The following TM9SF3 variants were observed in gnomAD, a reference collection of about 807,000 sequenced individuals.
The protein encoded by TM9SF3 is SM-11044-binding protein.
TM9SF3 carries 14 observed loss-of-function variants against 78.6 expected under a neutral mutation model. That is an observed-to-expected ratio of 0.18 (90% CI 0.12 to 0.28). The LOEUF is 0.28. Among genes scored for constraint, TM9SF3 ranks in the 10% least tolerant of loss-of-function variants. The pLI, the probability that TM9SF3 is intolerant of heterozygous loss-of-function variation, is 1.00. For missense variants in TM9SF3, 496 were observed against 721.9 expected (o/e 0.69, Z 3.59); for synonymous variants, 231 against 241.7 (o/e 0.96, Z 0.41).
At chr10:96,573,584 T>A (rs1364415718) in intron 2 of TM9SF3, among the ~76,000 whole-genome samples, 1 of 152,198 alleles carries the variant, frequency 6.6e-6, no homozygotes, top group Non-Finnish European at 1.5e-5. Context: ...AGTGCTTAGC[T>A]TAGTCTGAAA....
intron 14 of TM9SF3, among the ~76,000 whole-genome samples, chr10:96,526,533 T>C (rs928159000): frequency 2.6e-5 from 4 of 152,178 alleles, no homozygotes; most frequent in African/African-American, 9.7e-5. Context: ...ATTCTAGAGA[T>C]TCTATCACAT....
intron 2 of TM9SF3, among the ~76,000 whole-genome samples, chr10:96,567,628 C>T (rs934778273): frequency 6.6e-6 from 1 of 152,212 alleles, no homozygotes; most frequent in Non-Finnish European, 1.5e-5. Context: ...ACTCCCCACA[C>T]TTCTTATACC....
chr10:96,555,447 T>C (rs554842960), intron 5 of TM9SF3, among the ~76,000 whole-genome samples: 5 of 152,344 alleles, frequency 3.3e-5, no homozygotes, highest in East Asian at 3.9e-4. Flanking sequence ...CGGTTCTTCA[T>C]AGATATCCTC....
chr10:96,586,208 G>A (rs990329044), intron 1 of TM9SF3, among the ~76,000 whole-genome samples: 7 of 152,326 alleles, frequency 4.6e-5, no homozygotes, highest in Non-Finnish European at 8.8e-5. Context: ...CCCCACCCCA[G>A]GGTTTTAATC....
chr10:96,575,236 G>T (rs891396018), intron 2 of TM9SF3, among the ~76,000 whole-genome samples: 1 of 151,894 alleles, frequency 6.6e-6, no homozygotes. Flanking sequence ...CACCAAATAC[G>T]GAAAAAGAGA....
rs1365554664 is a variant in TM9SF3, at chr10:96,519,293, T to A, written c.*2970A>T. 1 of 151,958 alleles carries A rather than the reference T, an allele frequency of 6.6e-6. No homozygotes were observed. Among genetic ancestry groups the A allele is most frequent in the African/African-American group, 2.4e-5 (1 of 41,436 alleles). The allele number at this position is 151,958 out of a possible 1,614,324, so 9.4% of individuals were successfully genotyped here. A position where few individuals can be genotyped will look rare whatever the true frequency, so the allele number is the denominator to read the frequency against. On this transcript the variant is annotated 3_prime_UTR_variant, in exon 15 of 15. Coordinates refer to ENST00000371142, the MANE Select transcript of TM9SF3 (RefSeq NM_020123.4). Reference sequence around the variant, plus strand: ...GCAACCAACTTTATAAAGAGGTCCATCCACTCTCAATGGAAAACACCCAAG... The same window carrying A: ...GCAACCAACTTTATAAAGAGGTCCAACCACTCTCAATGGAAAACACCCAAG...
rs1848498806 is a variant in TM9SF3, at chr10:96,576,553, C to T, written c.298+81G>A. On this transcript the variant is annotated intron_variant, in intron 2 of 14. Transcript: ENST00000371142. ...CTCCATACAACAAAGAATTATCCAACACCAGTGTCAATAGTGCCAAAATAT... is the reference window on the plus strand; with the variant it reads ...CTCCATACAACAAAGAATTATCCAATACCAGTGTCAATAGTGCCAAAATAT... 3.1e-6 allele frequency: 4 copies of T among 1,272,688 alleles called. No homozygotes were observed. In the South Asian group the frequency reaches 4.6e-5, roughly 15 times the overall value. The allele number at this position is 1,272,688 out of a possible 1,614,324, so 78.8% of individuals were successfully genotyped here. A position where few individuals can be genotyped will look rare whatever the true frequency, so the allele number is the denominator to read the frequency against.
chr10:96,526,671 G>A (rs1847841642), intron 14 of TM9SF3, among the ~76,000 whole-genome samples: 1 of 152,048 alleles, frequency 6.6e-6, no homozygotes, highest in African/African-American at 2.4e-5. Context: ...CATACATATG[G>A]TACAGCTAGA....
intron 1 of TM9SF3, among the ~76,000 whole-genome samples, chr10:96,581,216 C>A (rs940295400): frequency 2.0e-5 from 3 of 152,214 alleles, no homozygotes; most frequent in Non-Finnish European, 4.4e-5. Context: ...TGGGGGGGTA[C>A]CAAAGTTTTC....
At chr10:96,553,464 T>G (rs893349342) in intron 5 of TM9SF3, among the ~76,000 whole-genome samples, 2 of 152,202 alleles carry the variant, frequency 1.3e-5, no homozygotes, top group African/African-American at 2.4e-5. Flanking sequence ...ATACTTATCT[T>G]GTAAGTGATT....
intron 9 of TM9SF3, among the ~76,000 whole-genome samples, chr10:96,533,949 A>T (rs1329871909): frequency 6.6e-6 from 1 of 152,158 alleles, no homozygotes; most frequent in Non-Finnish European, 1.5e-5. Context: ...TCTAATTAAG[A>T]TCATTTCACT....
intron 8 of TM9SF3, among the ~76,000 whole-genome samples, chr10:96,547,066 T>C (rs1848110026): frequency 6.6e-6 from 1 of 152,222 alleles, no homozygotes; most frequent in South Asian, 2.1e-4. Context: ...TCCATCAATT[T>C]CAGGTAATAG....
intron 1 of TM9SF3, among the ~76,000 whole-genome samples, chr10:96,585,527 A>T (rs1360440619): frequency 6.6e-6 from 1 of 152,232 alleles, no homozygotes; most frequent in African/African-American, 2.4e-5. Flanking sequence ...AGAAATACAT[A>T]CCTACACAGG....
chr10:96,548,893 A>G (rs1245701594), intron 7 of TM9SF3, among the ~76,000 whole-genome samples: 1 of 152,134 alleles, frequency 6.6e-6, no homozygotes, highest in Non-Finnish European at 1.5e-5. Flanking sequence ...TTTGTTCACA[A>G]ATATTCTATG....
intron 1 of TM9SF3, among the ~76,000 whole-genome samples, chr10:96,577,749 A>G (rs1478932832): frequency 6.6e-6 from 1 of 152,212 alleles, no homozygotes; most frequent in Non-Finnish European, 1.5e-5. Flanking sequence ...AACTGTGTTT[A>G]TAACTGAGGA....
At chr10:96,556,254 TGCAACTGG>T (rs1260763613) in intron 5 of TM9SF3, among the ~76,000 whole-genome samples, 80 of 152,100 alleles carry the variant, frequency 5.3e-4, no homozygotes, top group Non-Finnish European at 9.3e-4. Context: ...AAATTTAGAA[TGCAACTGG>T]AGATAAATAA....
intron 1 of TM9SF3, among the ~76,000 whole-genome samples, chr10:96,577,275 A>C (rs1848507147): frequency 6.6e-6 from 1 of 151,630 alleles, no homozygotes; most frequent in Admixed American, 6.6e-5. Flanking sequence ...GCCAGCAAGC[A>C]TAAATAAAAT....
At chr10:96,527,381 T>C (rs1204049052) in intron 13 of TM9SF3, 32 bp downstream of exon 13, 3 of 1,597,106 alleles carry the variant, frequency 1.9e-6, no homozygotes, top group Non-Finnish European at 2.6e-6. Context: ...TTTAGTTTCC[T>C]AAATAAAAGG....
chr10:96,582,107 CA>C (rs369619360), intron 1 of TM9SF3, among the ~76,000 whole-genome samples: 208 of 139,312 alleles, frequency 1.5e-3, no homozygotes, highest in Admixed American at 1.6e-3. Context: ...TATAACAGAC[CA>C]AAAAAAAAAA....
Sources: allele counts gnomAD v4.1 joint callset (sites outside exome capture counted in the v4.1 genomes callset), GRCh38; gene constraint gnomAD v4.1.1; transcripts MANE v1.5; gene names NCBI Gene and HGNC (gene_info 2026-07-23, HGNC 2026-07-21).